The following FMNL2 variants were observed in gnomAD, a reference collection of about 807,000 sequenced individuals.
The protein encoded by FMNL2 is formin-like protein 2.
A neutral mutation model predicts 130.2 loss-of-function variants in FMNL2; 51 were observed. The ratio of observed to expected loss-of-function variants is 0.39; its 90% CI spans 0.31 to 0.49. The LOEUF (loss-of-function observed/expected upper bound fraction) is 0.49, where lower values mean the gene tolerates loss of function less well. FMNL2 is among the 20% of genes least tolerant of loss of function. The pLI is 0.85. For synonymous variants in FMNL2, 465 were observed against 467.1 expected (o/e 1.00, Z 0.06); for missense variants, 977 against 1,316.2 (o/e 0.74, Z 3.99).
chr2:152,336,262 C>T (rs1445012807), intron 1 of FMNL2, among the ~76,000 whole-genome samples: 4 of 152,104 alleles, frequency 2.6e-5, no homozygotes, highest in African/African-American at 9.7e-5. Context: ...CACGTCGCGG[C>T]TTGGCCAAGG....
intron 1 of FMNL2, among the ~76,000 whole-genome samples, chr2:152,355,561 G>A (rs1682734812): frequency 6.6e-6 from 1 of 152,174 alleles, no homozygotes; most frequent in Non-Finnish European, 1.5e-5. Flanking sequence ...CTTCTGGGAA[G>A]AAACTCCCAT....
At chr2:152,643,149 T>TGA (rs1455732624) in intron 25 of FMNL2, among the ~76,000 whole-genome samples, 4 of 152,226 alleles carry the variant, frequency 2.6e-5, no homozygotes, top group Non-Finnish European at 4.4e-5. Context: ...ATTAATCTAC[T>TGA]AGAAGAGGGG....
intron 1 of FMNL2, among the ~76,000 whole-genome samples, chr2:152,467,385 G>A (rs916361233): frequency 2.6e-5 from 4 of 152,064 alleles, no homozygotes; most frequent in African/African-American, 7.2e-5. Context: ...AATAAATACC[G>A]TATGTGCTTA....
intron 9 of FMNL2, among the ~76,000 whole-genome samples, chr2:152,598,193 G>A (rs16831418): frequency 2.0e-5 from 3 of 152,068 alleles, no homozygotes; most frequent in African/African-American, 4.8e-5. Flanking sequence ...GAGAACATGC[G>A]ATAACCCCTA....
chr2:152,642,563 A>G (rs1683189409), intron 25 of FMNL2, among the ~76,000 whole-genome samples: 1 of 152,208 alleles, frequency 6.6e-6, no homozygotes, highest in South Asian at 2.1e-4. Context: ...CCTTCATTGT[A>G]GCACTCTCCT....
intron 1 of FMNL2, among the ~76,000 whole-genome samples, chr2:152,507,974 G>A (rs1210527751): frequency 6.6e-6 from 1 of 152,152 alleles, no homozygotes; most frequent in Non-Finnish European, 1.5e-5. Context: ...ATTAAAGAAA[G>A]ATTAAGTTAC....
intron 9 of FMNL2, among the ~76,000 whole-genome samples, chr2:152,587,913 T>C (rs944054032): frequency 3.9e-5 from 6 of 152,190 alleles, no homozygotes; most frequent in Admixed American, 1.3e-4. Context: ...CCAGGCTTTA[T>C]AAAGGTAATT....
intron 1 of FMNL2, chr2:152,390,394 A>T: frequency 9.3e-7 from 1 of 1,069,724 alleles, no homozygotes; most frequent in Non-Finnish European, 1.5e-6. Context: ...AATAAGATGG[A>T]GTGGTGGAGC....
chr2:152,403,234 A>C (rs1453595142), intron 1 of FMNL2, among the ~76,000 whole-genome samples: 2 of 151,810 alleles, frequency 1.3e-5, no homozygotes, highest in Admixed American at 6.6e-5. Flanking sequence ...AAAAAAAAAA[A>C]AACCCACAAA....
At chr2:152,388,590 G>A (rs1458619143) in intron 1 of FMNL2, among the ~76,000 whole-genome samples, 1 of 151,968 alleles carries the variant, frequency 6.6e-6, no homozygotes, top group Non-Finnish European at 1.5e-5. Context: ...TGACATTTGG[G>A]TGGGGACACA....
chr2:152,441,694 G>T (rs1333682141), intron 1 of FMNL2, among the ~76,000 whole-genome samples: 1 of 151,696 alleles, frequency 6.6e-6, no homozygotes, highest in African/African-American at 2.4e-5. Context: ...AAATTAGTTG[G>T]GCATGGTGGC....
chr2:152,531,641 A>G (rs565817885), intron 2 of FMNL2, among the ~76,000 whole-genome samples: 2 of 151,844 alleles, frequency 1.3e-5, no homozygotes, highest in African/African-American at 4.8e-5. Flanking sequence ...ACGCCCAGCT[A>G]ATTTTTGTAT....
At chr2:152,578,298 G>C (rs915561263) in intron 7 of FMNL2, among the ~76,000 whole-genome samples, 1 of 152,136 alleles carries the variant, frequency 6.6e-6, no homozygotes, top group East Asian at 1.9e-4. Context: ...TCAAAAATCT[G>C]TATATAACTG....
At chr2:152,373,893 T>G (rs773878979) in intron 1 of FMNL2, among the ~76,000 whole-genome samples, 4 of 151,966 alleles carry the variant, frequency 2.6e-5, no homozygotes, top group Non-Finnish European at 5.9e-5. Context: ...GCACTAGAAA[T>G]CAGAACACAT....
At chr2:152,394,586 A>G (rs570830827) in intron 1 of FMNL2, among the ~76,000 whole-genome samples, 1 of 151,556 alleles carries the variant, frequency 6.6e-6, no homozygotes, top group Admixed American at 6.6e-5. Flanking sequence ...ATTAATAGAT[A>G]CATGTGGAAA....
Position 152,522,000 on chromosome 2 carries a change from A to G in FMNL2, c.175A>G (p.Lys59Glu). Residue 59 changes from lysine (K) to glutamate (E), a missense_variant, in exon 2 of 26, where the codon AAA (lysine) becomes GAA (glutamate). Transcript: ENST00000288670. Reference protein sequence around the residue: ...ARLLRQYDNEKKWELICDQER... With the variant: ...ARLLRQYDNEEKWELICDQER... ...GTTACTGCGGCAGTATGATAATGAG[A>G]AAAAATGGGAACTGATTTGTGATCA... 1 of 1,611,174 alleles carries G rather than the reference A, an allele frequency of 6.2e-7. No individual in the cohort carries two copies. The highest frequency in any genetic ancestry group is 8.5e-7 in the Non-Finnish European group (1 of 1,179,142).
chr2:152,599,437 T>TTTTTTTTTTTTTTTTA, intron 9 of FMNL2, among the ~76,000 whole-genome samples: 1 of 132,246 alleles, frequency 7.6e-6, no homozygotes, highest in Non-Finnish European at 1.6e-5. Context: ...TTTTTTTTTT[T>TTTTTTTTTTTTTTTTA]AGAGAGGTAG....
intron 25 of FMNL2, among the ~76,000 whole-genome samples, chr2:152,644,973 G>C (rs758507491): frequency 6.6e-6 from 1 of 152,184 alleles, no homozygotes; most frequent in Admixed American, 6.5e-5. Flanking sequence ...CGTAGCCATT[G>C]ACTCCTGTGC....
chr2:152,601,281 T>C (rs571111215), intron 9 of FMNL2, among the ~76,000 whole-genome samples: 11 of 147,484 alleles, frequency 7.5e-5, no homozygotes, highest in Non-Finnish European at 1.5e-4. Flanking sequence ...CTGATGGCTT[T>C]CTTTCTTTTC....
Sources: allele counts gnomAD v4.1 joint callset (sites outside exome capture counted in the v4.1 genomes callset), GRCh38; gene constraint gnomAD v4.1.1; transcripts MANE v1.5; gene names NCBI Gene and HGNC (gene_info 2026-07-23, HGNC 2026-07-21).